Variants in SHISA9 observed in about 807,000 individuals in gnomAD.
The protein encoded by SHISA9 is protein shisa-9.
Under a neutral mutation model 38.0 loss-of-function variants are expected in SHISA9, and 13 were observed. The ratio of observed to expected loss-of-function variants is 0.34; its 90% CI spans 0.22 to 0.54. SHISA9 has a LOEUF of 0.54. Ranked by LOEUF, SHISA9 falls within the 20% of genes least tolerant of loss-of-function variation. SHISA9 has a pLI of 0.91. For synonymous variants in SHISA9, 275 were observed against 242.0 expected, an observed-to-expected ratio of 1.14 and a Z score of -1.27; for missense variants, 538 against 575.8, an observed-to-expected ratio of 0.93 and a Z score of 0.67.
intron 2 of SHISA9, among the ~76,000 whole-genome samples, chr16:12,993,035 A>G (rs1018899969): frequency 6.6e-6 from 1 of 152,162 alleles, no homozygotes; most frequent in African/African-American, 2.4e-5. Context: ...CATACTCTTC[A>G]TTTCCATCTT....
intron 4 of SHISA9, among the ~76,000 whole-genome samples, chr16:13,232,396 C>A (rs984159012): frequency 4.6e-5 from 7 of 152,016 alleles, no homozygotes; most frequent in African/African-American, 1.5e-4. Flanking sequence ...ACCTATGTAA[C>A]CTGCACGTTC....
chr16:12,943,462 A>G (rs1428487021), intron 2 of SHISA9, among the ~76,000 whole-genome samples: 1 of 151,764 alleles, frequency 6.6e-6, no homozygotes, highest in Non-Finnish European at 1.5e-5. Context: ...CCTTATTCTA[A>G]TTTATATTTC....
intron 2 of SHISA9, among the ~76,000 whole-genome samples, chr16:12,932,668 AAGACAC>A (rs1185538317): frequency 1.3e-5 from 2 of 152,012 alleles, no homozygotes; most frequent in Non-Finnish European, 2.9e-5. Context: ...TAAAGAGTAA[AAGACAC>A]AGACTCTCCA....
chr16:13,305,163 T>A, the SHISA9 span, among the ~76,000 whole-genome samples: 1 of 152,328 alleles, frequency 6.6e-6, no homozygotes, highest in South Asian at 2.1e-4. Flanking sequence ...CTAATACATG[T>A]AGCCTAAAGA....
At chr16:13,440,963 C>T in the SHISA9 span, among the ~76,000 whole-genome samples, 1 of 151,854 alleles carries the variant, frequency 6.6e-6, no homozygotes, top group African/African-American at 2.4e-5. Context: ...TTCCAGATCC[C>T]GGGAGGGATA....
At chr16:13,177,103 G>A (rs1186551069) in intron 2 of SHISA9, among the ~76,000 whole-genome samples, 2 of 152,128 alleles carry the variant, frequency 1.3e-5, no homozygotes, top group Non-Finnish European at 2.9e-5. Flanking sequence ...GTGATCCAAG[G>A]TGAAACTCTC....
chr16:13,027,899 C>CCTGT (rs1355618954), intron 2 of SHISA9, among the ~76,000 whole-genome samples: 1 of 136,598 alleles, frequency 7.3e-6, no homozygotes, highest in Non-Finnish European at 1.5e-5. Context: ...TGCACTCTGG[C>CCTGT]CTGGGTGACT....
chr16:13,264,766 T>C, the SHISA9 span, among the ~76,000 whole-genome samples: 2 of 152,046 alleles, frequency 1.3e-5, no homozygotes, highest in Non-Finnish European at 2.9e-5. Flanking sequence ...CACAGAACCC[T>C]CATCTTGGGG....
chr16:13,404,958 C>T, the SHISA9 span, among the ~76,000 whole-genome samples: 1 of 152,128 alleles, frequency 6.6e-6, no homozygotes, highest in Non-Finnish European at 1.5e-5. Context: ...ATGCCTGGGA[C>T]TTCTGAATCC....
At chr16:13,101,047 G>T (rs2073874364) in intron 2 of SHISA9, among the ~76,000 whole-genome samples, 1 of 152,190 alleles carries the variant, frequency 6.6e-6, no homozygotes, top group South Asian at 2.1e-4. Flanking sequence ...TGCAACGTTT[G>T]TCTTTCCATG....
intron 2 of SHISA9, among the ~76,000 whole-genome samples, chr16:13,150,420 C>T (rs528843119): frequency 6.6e-6 from 1 of 152,244 alleles, no homozygotes; most frequent in Non-Finnish European, 1.5e-5. Context: ...GTCTCCCAAC[C>T]CCCTGCCATC....
intron 2 of SHISA9, among the ~76,000 whole-genome samples, chr16:12,947,227 C>T (rs2071700070): frequency 6.6e-6 from 1 of 152,052 alleles, no homozygotes; most frequent in African/African-American, 2.4e-5. Flanking sequence ...GCAAGTATAC[C>T]TGGAAAAAGG....
At chr16:13,399,480 C>T in the SHISA9 span, among the ~76,000 whole-genome samples, 3 of 152,318 alleles carry the variant, frequency 2.0e-5, no homozygotes, top group Non-Finnish European at 4.4e-5. Context: ...CCCAAGATCT[C>T]TCTCAGTTAT....
intron 2 of SHISA9, among the ~76,000 whole-genome samples, chr16:12,955,233 A>G (rs1190884160): frequency 2.0e-5 from 3 of 152,298 alleles, no homozygotes; most frequent in African/African-American, 4.8e-5. Context: ...ATTCCCAGAC[A>G]CAAGTATTTT....
the SHISA9 span, among the ~76,000 whole-genome samples, chr16:13,416,654 C>T: frequency 0.7 from 105,485 of 151,208 alleles, 37,013 homozygotes; most frequent in East Asian, 0.81. Context: ...CGAGGCTGCA[C>T]TGAGCGATGG....
At chr16:13,210,285 T>A (rs1412003247) in intron 3 of SHISA9, among the ~76,000 whole-genome samples, 1 of 152,128 alleles carries the variant, frequency 6.6e-6, no homozygotes, top group African/African-American at 2.4e-5. Flanking sequence ...TTCCTCTAGG[T>A]TTCTGATTAT....
At chr16:12,963,823 C>G (rs959660146) in intron 2 of SHISA9, among the ~76,000 whole-genome samples, 1 of 152,130 alleles carries the variant, frequency 6.6e-6, no homozygotes, top group Admixed American at 6.6e-5. Context: ...AAATTTAGCC[C>G]CGAGTTAGCT....
the SHISA9 span, among the ~76,000 whole-genome samples, chr16:13,285,151 T>C: frequency 6.6e-6 from 1 of 152,178 alleles, no homozygotes; most frequent in South Asian, 2.1e-4. Context: ...ATTTGAGAGT[T>C]TGAGAGTTCA....
chr16:13,197,156 T>TAG lies in SHISA9; in HGVS notation c.692-6214_692-6213dup, dbSNP rs369827299. Among the ~76,000 whole-genome samples the TAG allele has an allele frequency of 4.3e-3, 609 of 141,360 alleles. 2 individuals are homozygous for TAG. Among genetic ancestry groups the TAG allele is most frequent in the Non-Finnish European group, 7.0e-3 (446 of 64,004 alleles). 92.7% of individuals were successfully genotyped at this position (141,360 alleles called of 152,430 possible). ...ACACACATATATGTGTATATATATATAGAGAGAGAGAGAGAGAGAGAGAGA... is the reference window on the plus strand; with the variant it reads ...ACACACATATATGTGTATATATATATAGAGAGAGAGAGAGAGAGAGAGAGAGA... On this transcript the variant is annotated intron_variant, in intron 2 of 4. Transcript: ENST00000558583.
Sources: gnomAD v4.1 joint callset for allele counts (sites outside exome capture counted in the v4.1 genomes callset) on GRCh38, gnomAD v4.1.1 for gene constraint, MANE v1.5 for transcripts, NCBI Gene and HGNC (gene_info 2026-07-23, HGNC 2026-07-21) for gene names.